Variants in TRAPPC14 observed in about 807,000 individuals in gnomAD.
TRAPPC14 encodes trafficking protein particle complex subunit 14.
In TRAPPC14, 24 loss-of-function variants were observed where a neutral mutation model predicts 56.6. The observed-to-expected ratio is 0.42, with a 90% CI of 0.31 to 0.60. TRAPPC14 has a LOEUF of 0.60. Among genes scored for constraint, TRAPPC14 ranks in the 20% least tolerant of loss-of-function variants. The probability of loss-of-function intolerance (pLI) is 0.14; values close to 1 mark genes in which losing one functional copy is unlikely to be tolerated. For synonymous variants in TRAPPC14, 377 were observed against 347.0 expected, an observed-to-expected ratio of 1.09 and a Z score of -0.96; for missense variants, 615 against 790.3, an observed-to-expected ratio of 0.78 and a Z score of 2.66.
rs1370873515 is a variant in TRAPPC14 at position 100,158,210 on chromosome 7, G to A, written c.290C>T (p.Ala97Val). 6 of 1,461,284 alleles carry A rather than the reference G, an allele frequency of 4.1e-6. No homozygotes were observed. Among genetic ancestry groups the A allele is most frequent in the Non-Finnish European group, 5.4e-6 (6 of 1,115,094 alleles). 90.5% of individuals were successfully genotyped at this position (1,461,284 alleles called of 1,614,324 possible). ...TGGGGGCTCCGAATCCTGGTCGCCG[G>A]CGCCGCCGCCCCCCGGCATCCCGCC... Reference protein sequence around the residue: ...AGGGMPGGGGAGDQDSEPPGG... With the variant: ...AGGGMPGGGGVGDQDSEPPGG... The change falls in exon 1 of 11, where the codon GCC (alanine) becomes GTC (valine). Residue 97 changes from alanine (A) to valine (V), a missense_variant. Physicochemically the swap from Ala to Val is moderately conservative, Grantham distance 64. Coordinates refer to ENST00000316937, the MANE Select transcript of TRAPPC14 (RefSeq NM_018275.5).
At position 100,155,381 on chromosome 7, in the gene TRAPPC14, G is replaced by C. The variant is rs745841608; in HGVS notation, c.1470C>G (p.Leu490=). The C allele has an allele frequency of 1.9e-6, 3 of 1,549,432 alleles. No homozygotes were observed. The highest frequency in any genetic ancestry group is 2.6e-6 in the Non-Finnish European group (3 of 1,146,730). Residue 490 remains leucine (L), a synonymous_variant, in exon 10 of 11, where the codon CTC becomes CTG. Coordinates refer to ENST00000316937, the MANE Select transcript of TRAPPC14 (RefSeq NM_018275.5). ...GGCTGCTGGGGCTGCTCTTGCGGGA[G>C]AGGGGCCGGGCCTCGGGTGGAGGGT... ...VSHPPPEARP[L]SRKSSPSSPA...
intron 6 of TRAPPC14, 31 bp from the exon 7 acceptor site, chr7:100,156,747 G>T: frequency 6.2e-7 from 1 of 1,600,950 alleles, no homozygotes. Flanking sequence ...GTTGGCACAG[G>T]TATTAAGAGT....
chr7:100,158,105 GA>G lies in TRAPPC14; in HGVS notation c.394del (p.Ser132GlnfsTer40). On this transcript the variant is annotated frameshift_variant, in exon 1 of 11. Coordinates refer to ENST00000316937, the MANE Select transcript of TRAPPC14 (RefSeq NM_018275.5). LOFTEE classifies it high-confidence loss of function. ...LLTHGPGPAT[S>X]GGATTLPVEE... ...GCTCCTCACCGTGGTCGCTCCCCCTGAGGTAGCAGGGCCCGGGCCGTGGGTG... is the reference window on the plus strand; with the variant it reads ...GCTCCTCACCGTGGTCGCTCCCCCTGGGTAGCAGGGCCCGGGCCGTGGGTG... 1 of 1,499,108 alleles carries G rather than the reference GA, an allele frequency of 6.7e-7. No homozygotes were observed. Among genetic ancestry groups the G allele is most frequent in the Non-Finnish European group, 8.9e-7 (1 of 1,127,418 alleles). The allele number at this position is 1,499,108 out of a possible 1,614,324, so 92.9% of individuals were successfully genotyped here.
At position 100,157,176 on chromosome 7, in the gene TRAPPC14, C is replaced by G. The variant is rs779690850; in HGVS notation, c.763G>C (p.Asp255His). Reference protein sequence around the residue: ...SSSQEEISIWDIRILPNFNAS... With the variant: ...SSSQEEISIWHIRILPNFNAS... Reference sequence around the variant, plus strand: ...TTGAAGTTGGGGAGGATTCGGATATCCCAGATGGAGATTTCCTCCTGAGAG... The same window carrying G: ...TTGAAGTTGGGGAGGATTCGGATATGCCAGATGGAGATTTCCTCCTGAGAG... The change falls in exon 5 of 11, where the codon GAT (aspartate) becomes CAT (histidine). Residue 255 changes from aspartate (D) to histidine (H), a missense_variant. Physicochemically the swap from Asp to His is moderately conservative, Grantham distance 81 (BLOSUM62 -1). Transcript: ENST00000316937. 6.2e-7 allele frequency: 1 copy of G among 1,614,174 alleles called. No individual in the cohort carries two copies. The highest frequency in any genetic ancestry group is 8.5e-7 in the Non-Finnish European group (1 of 1,180,034).
chr7:100,156,523 G>A lies in TRAPPC14; in HGVS notation c.1103C>T (p.Pro368Leu), dbSNP rs1402835607. 5 of 1,614,158 alleles carry A rather than the reference G, an allele frequency of 3.1e-6. No individual in the cohort carries two copies. Among genetic ancestry groups the A allele is most frequent in the Admixed American group, 1.7e-5 (1 of 60,014 alleles). The change falls in exon 8 of 11, where the codon CCG (proline) becomes CTG (leucine). Residue 368 changes from proline to leucine, a missense_variant. By Grantham distance (98) the Pro-to-Leu change is moderately conservative (BLOSUM62 -3). Transcript: ENST00000316937. ...ACAAGAAGCGGTCATCACAAAACAC[G>A]GGCGGTCCAAGCGGACACTGGGCAG... ...YRLPSVRLDRPCFVMTASCKS... is the reference protein window; with the variant it reads ...YRLPSVRLDRLCFVMTASCKS...
At chr7:100,157,981 GGCAGCCT>G (rs762886021) in intron 1 of TRAPPC14, 43 bp from the exon 2 acceptor site, 2 of 1,497,666 alleles carry the variant, frequency 1.3e-6, no homozygotes, top group African/African-American at 2.8e-5. Context: ...GCAAGTCAGA[GGCAGCCT>G]GCAGCCTTTC....
chr7:100,154,961 T>G lies in TRAPPC14; in HGVS notation c.*50A>C. The G allele has an allele frequency of 6.2e-7, 1 of 1,601,358 alleles. No homozygotes were observed. The highest frequency in any genetic ancestry group is 8.6e-7 in the Non-Finnish European group (1 of 1,168,580). On this transcript the variant is annotated 3_prime_UTR_variant, in exon 11 of 11. Transcript: ENST00000316937. ...ACAGCCCGGGAGCAGGGATCCCCTCTGGGGGCGTTGGGTCTCTGGAGTGTA... is the reference window on the plus strand; with the variant it reads ...ACAGCCCGGGAGCAGGGATCCCCTCGGGGGGCGTTGGGTCTCTGGAGTGTA...
At position 100,157,141 on chromosome 7, in the gene TRAPPC14, A is replaced by G; in HGVS notation, c.798T>C (p.Tyr266=). The change falls in exon 5 of 11, where the codon TAT becomes TAC. Residue 266 remains tyrosine (Y), a synonymous_variant. Transcript: ENST00000316937. ...CAGAGCCATCGGGCATGACAGGTAG[A>G]TAACTGGCGTTGAAGTTGGGGAGGA... ...IRILPNFNAS[Y]LPVMPDGSVL... is the part of the protein sequence containing the mutation. 1.9e-6 allele frequency: 3 copies of G among 1,614,236 alleles called. No individual in the cohort carries two copies. Among genetic ancestry groups the G allele is most frequent in the South Asian group, 1.1e-5 (1 of 91,086 alleles).
intron 8 of TRAPPC14, chr7:100,156,122 A>AT: frequency 1.6e-6 from 1 of 620,318 alleles, no homozygotes; most frequent in Non-Finnish European, 2.9e-6. Flanking sequence ...CACAGCTAGT[A>AT]AAGGAGAGAA....
At position 100,157,440 on chromosome 7, in the gene TRAPPC14, CAG is replaced by C; in HGVS notation, c.655_656del (p.Leu219AlafsTer104). The C allele has an allele frequency of 6.2e-7, 1 of 1,613,586 alleles. No homozygotes were observed. Among genetic ancestry groups the C allele is most frequent in the Non-Finnish European group, 8.5e-7 (1 of 1,180,004 alleles). On this transcript the variant is annotated frameshift_variant, in exon 4 of 11. Coordinates refer to ENST00000316937, the MANE Select transcript of TRAPPC14 (RefSeq NM_018275.5). LOFTEE classifies it high-confidence loss of function. ...GGCATCTCAGAACCGGAGGGGGCAG[CAG>C]AGTCAGCAGCGTGCTCACTGCGGGA... ...FKAQVSTLLTLLPPPVLRCRQ... is the reference protein window; with the variant it reads ...FKAQVSTLLTXLPPPVLRCRQ...
At chr7:100,156,179 A>G in intron 8 of TRAPPC14, 1 of 614,194 alleles carries the variant, frequency 1.6e-6, no homozygotes, top group Non-Finnish European at 2.9e-6. Context: ...ATGCCCTGAA[A>G]GTCACTCTGC....
chr7:100,157,761 A>G lies in TRAPPC14; in HGVS notation c.509T>C (p.Ile170Thr), dbSNP rs1370066312. 6 of 1,614,234 alleles carry G rather than the reference A, an allele frequency of 3.7e-6. No individual in the cohort carries two copies. The highest frequency in any genetic ancestry group is 4.2e-6 in the Non-Finnish European group (5 of 1,180,034). ...CTCCCGCTTCCACACAGTCACTACA[A>G]TCTGTCAAGAGGAAAGACAGATGGC... ...RLPPGTPKAK[I>T]VVTVWKREIE... The change falls in exon 3 of 11, where the codon ATT (isoleucine) becomes ACT (threonine). Residue 170 changes from isoleucine (I) to threonine (T), a missense_variant and splice_region_variant. Transcript: ENST00000316937.
rs749843630 is a variant in TRAPPC14, at chr7:100,157,091, C to T, written c.845+3G>A. 5 of 1,614,054 alleles carry T rather than the reference C, an allele frequency of 3.1e-6. No individual in the cohort carries two copies. The African/African-American group carries it at 5.3e-5, about 17-fold the overall frequency. Reference sequence around the variant, plus strand: ...CACAGCCTCGCCCCTCCCAGGACCTCACCAGACATTGTCCACCAGCAGCAC... The same window carrying T: ...CACAGCCTCGCCCCTCCCAGGACCTTACCAGACATTGTCCACCAGCAGCAC... On this transcript the variant is annotated splice_donor_region_variant and intron_variant, in intron 5 of 10. Coordinates refer to ENST00000316937, the MANE Select transcript of TRAPPC14 (RefSeq NM_018275.5).
Position 100,155,044 on chromosome 7 carries a change from C to T in TRAPPC14, c.1710G>A (p.Glu570=). 1 of 1,614,164 alleles carries T rather than the reference C, an allele frequency of 6.2e-7. No individual in the cohort carries two copies. Among genetic ancestry groups the T allele is most frequent in the Non-Finnish European group, 8.5e-7 (1 of 1,180,016 alleles). ...CGGGTTCCACCACCAGGACCTTGCACTCGCGCTTGGCAATCTTGTCCAGAG... is the reference window on the plus strand; with the variant it reads ...CGGGTTCCACCACCAGGACCTTGCATTCGCGCTTGGCAATCTTGTCCAGAG... ...VLSLDKIAKR[E]CKVLVVEPVK The change falls in exon 11 of 11, where the codon GAG becomes GAA. Residue 570 remains glutamate (E), a synonymous_variant. Transcript: ENST00000316937.
At position 100,155,329 on chromosome 7, in the gene TRAPPC14, G is replaced by A. The variant is rs1798853691; in HGVS notation, c.1522C>T (p.His508Tyr). ...SPAVRDLVER[H>Y]QASLGRSQSF... is the part of the protein sequence containing the mutation. The stretch of plus-strand genomic sequence containing the variant: ...TGGGAGCGGCCCAGGCTAGCCTGAT[G>A]CCTCTCCACCAAGTCCCGGACAGCA... Residue 508 changes from histidine to tyrosine, a missense_variant, in exon 10 of 11, where the codon CAT becomes TAT. Coordinates refer to ENST00000316937, the MANE Select transcript of TRAPPC14 (RefSeq NM_018275.5). 6.4e-7 allele frequency: 1 copy of A among 1,552,788 alleles called. No homozygotes were observed. The highest frequency in any genetic ancestry group is 8.7e-7 in the Non-Finnish European group (1 of 1,148,592).
Position 100,156,849 on chromosome 7 carries a change from T to G in TRAPPC14, c.989A>C (p.Lys330Thr). 1 of 1,614,072 alleles carries G rather than the reference T, an allele frequency of 6.2e-7. No individual in the cohort carries two copies. The highest frequency in any genetic ancestry group is 8.5e-7 in the Non-Finnish European group (1 of 1,179,996). The change falls in exon 6 of 11, where the codon AAG becomes ACG. Residue 330 changes from lysine (K) to threonine (T), a missense_variant. By Grantham distance (78) the Lys-to-Thr change is moderately conservative (BLOSUM62 -1). Transcript: ENST00000316937. ...ACACCAGCCCCTTATGCTCACCTCC[T>G]TGGCCCCTGGAGGGGGCTGCTCACC... The part of the protein sequence containing the change: ...RGGEQPPPGA[K>T]EGLEVPLIAV...
At chr7:100,155,961 G>T (rs1366257378) in intron 8 of TRAPPC14, 136 bp from the exon 9 acceptor site, 2 of 1,164,696 alleles carry the variant, frequency 1.7e-6, no homozygotes, top group African/African-American at 1.5e-5. Flanking sequence ...TGTGCATGTT[G>T]TAGATAACAA....
rs765377697 is a variant in TRAPPC14, at chr7:100,157,380, C to T, written c.717G>A (p.Val239=). 2 of 1,614,116 alleles carry T rather than the reference C, an allele frequency of 1.2e-6. No individual in the cohort carries two copies. The highest frequency in any genetic ancestry group is 2.2e-5 in the East Asian group (1 of 44,880). Residue 239 remains valine, a synonymous_variant, in exon 4 of 11, where the codon GTG becomes GTA. Coordinates refer to ENST00000316937, the MANE Select transcript of TRAPPC14 (RefSeq NM_018275.5). ...QFTVAGKHLT[V]LKVLNSSSQE... is the part of the protein sequence containing the mutation. The stretch of plus-strand genomic sequence containing the variant: ...GCCGGCAGCCCTGCTTACCCTTGAG[C>T]ACGGTCAAGTGTTTTCCAGCCACAG...
rs1459474598 is a variant in TRAPPC14, at chr7:100,158,127, G to T, written c.373C>A (p.His125Asn). 1.3e-6 allele frequency: 2 copies of T among 1,495,578 alleles called. No individual in the cohort carries two copies. Among genetic ancestry groups the T allele is most frequent in the Non-Finnish European group, 1.8e-6 (2 of 1,127,686 alleles). The allele number at this position is 1,495,578 out of a possible 1,614,324, so 92.6% of individuals were successfully genotyped here. The change falls in exon 1 of 11, where the codon CAC (histidine) becomes AAC (asparagine). Residue 125 changes from histidine to asparagine, a missense_variant. Transcript: ENST00000316937. ...CCTGAGGTAGCAGGGCCCGGGCCGTGGGTGAGAAGGGGGCTGCAGCCTCGG... is the reference window on the plus strand; with the variant it reads ...CCTGAGGTAGCAGGGCCCGGGCCGTTGGTGAGAAGGGGGCTGCAGCCTCGG... Reference protein sequence around the residue: ...LFRGCSPLLTHGPGPATSGGA... With the variant: ...LFRGCSPLLTNGPGPATSGGA...
Sources: gnomAD v4.1 joint callset for allele counts on GRCh38, gnomAD v4.1.1 for gene constraint, MANE v1.5 for transcripts, NCBI Gene and HGNC (gene_info 2026-07-23, HGNC 2026-07-21) for gene names.